KCNK2: variants seen among roughly 807,000 people sequenced by gnomAD.
The protein encoded by KCNK2 is potassium two pore domain channel subfamily K member 2, also known as potassium channel subfamily K member 2.
A neutral mutation model predicts 40.5 loss-of-function variants in KCNK2; 21 were observed. The ratio of observed to expected loss-of-function variants is 0.52; its 90% confidence interval spans 0.37 to 0.75. KCNK2 has a LOEUF of 0.75. KCNK2 is among the 30% of genes least tolerant of loss of function. The pLI is 0.00. For missense variants in KCNK2, 399 were observed against 531.6 expected (o/e 0.75, Z 2.45); for synonymous variants, 191 against 202.2 (o/e 0.94, Z 0.47).
intron 1 of KCNK2, among the ~76,000 whole-genome samples, chr1:215,024,887 C>G (rs771320381): frequency 3.3e-5 from 5 of 151,050 alleles, no homozygotes; most frequent in Non-Finnish European, 7.4e-5. Flanking sequence ...CTACATCTTT[C>G]TTCTTGCTCA....
At chr1:215,132,605 A>G (rs1050623202) in intron 3 of KCNK2, among the ~76,000 whole-genome samples, 4 of 152,242 alleles carry the variant, frequency 2.6e-5, no homozygotes, top group African/African-American at 9.6e-5. Context: ...TATTTGAAAT[A>G]CAAAAATTGA....
rs536391031 is a variant in KCNK2, at chr1:215,172,470, G to A, written c.823+287G>A. 2.3e-4 allele frequency among the ~76,000 whole-genome samples: 35 copies of A among 152,172 alleles called. No homozygotes were observed. The South Asian group carries it at 2.9e-3, about 13-fold the overall frequency. ...AGTCCTTGGCAATTCTTGGCTTGCAGCTGTATCACTCCCATCTCTACCTCC... is the reference window on the plus strand; with the variant it reads ...AGTCCTTGGCAATTCTTGGCTTGCAACTGTATCACTCCCATCTCTACCTCC... On this transcript the variant is annotated intron_variant, in intron 5 of 6. Coordinates refer to ENST00000444842, the MANE Select transcript of KCNK2 (RefSeq NM_001017425.3).
intron 1 of KCNK2, among the ~76,000 whole-genome samples, chr1:215,043,707 A>T (rs1426233212): frequency 1.3e-5 from 2 of 152,206 alleles, no homozygotes; most frequent in Non-Finnish European, 2.9e-5. Flanking sequence ...AAAATTCTGT[A>T]GATGTATGAT....
intron 3 of KCNK2, 84 bp downstream of exon 3, chr1:215,124,834 G>A (rs1661346752): frequency 1.2e-6 from 1 of 816,548 alleles, no homozygotes; most frequent in South Asian, 1.4e-5. Flanking sequence ...GTATAGTTGG[G>A]CAAAATGATC....
intron 6 of KCNK2, among the ~76,000 whole-genome samples, chr1:215,203,656 A>G (rs922272551): frequency 1.3e-5 from 2 of 152,178 alleles, no homozygotes; most frequent in African/African-American, 2.4e-5. Flanking sequence ...TAAACAAACA[A>G]ACAAAAACTA....
intron 1 of KCNK2, among the ~76,000 whole-genome samples, chr1:215,076,892 C>T (rs1019713326): frequency 2.6e-5 from 4 of 152,186 alleles, no homozygotes; most frequent in Non-Finnish European, 4.4e-5. Context: ...TCAACACTAA[C>T]TGGCTTAAAC....
intron 2 of KCNK2, among the ~76,000 whole-genome samples, chr1:215,102,534 G>C (rs563449296): frequency 4.7e-4 from 71 of 152,092 alleles, no homozygotes; most frequent in African/African-American, 1.7e-3. Flanking sequence ...ATTGAAGAAA[G>C]GAAAGTATTT....
At chr1:215,007,121 GTA>G (rs1362388850) in intron 1 of KCNK2, among the ~76,000 whole-genome samples, 5 of 96,690 alleles carry the variant, frequency 5.2e-5, no homozygotes, top group African/African-American at 2.1e-4. Flanking sequence ...GTGTATATAT[GTA>G]TATATATGTG....
chr1:215,024,775 A>G (rs1199533303), intron 1 of KCNK2, among the ~76,000 whole-genome samples: 1 of 152,126 alleles, frequency 6.6e-6, no homozygotes, highest in Non-Finnish European at 1.5e-5. Context: ...CTTATCAAAC[A>G]TGTTTTAGCG....
chr1:215,052,338 C>G (rs1364515349), intron 1 of KCNK2, among the ~76,000 whole-genome samples: 1 of 152,130 alleles, frequency 6.6e-6, no homozygotes, highest in Non-Finnish European at 1.5e-5. Context: ...AAATATCACA[C>G]TGCCTATAGA....
At chr1:215,088,876 A>G (rs975824357) in intron 2 of KCNK2, among the ~76,000 whole-genome samples, 1 of 152,180 alleles carries the variant, frequency 6.6e-6, no homozygotes, top group Non-Finnish European at 1.5e-5. Flanking sequence ...TGCTTCATAA[A>G]AATCTTTTTT....
intron 6 of KCNK2, among the ~76,000 whole-genome samples, chr1:215,205,683 T>A (rs1391896443): frequency 6.6e-6 from 1 of 152,200 alleles, no homozygotes; most frequent in Admixed American, 6.5e-5. Flanking sequence ...TGACTTGTTG[T>A]GGATATTTAG....
intron 6 of KCNK2, among the ~76,000 whole-genome samples, chr1:215,223,241 TAA>T (rs56890763): frequency 0.059 from 6,608 of 112,044 alleles, 463 homozygotes; most frequent in African/African-American, 0.18. Context: ...AGCTCTTTTC[TAA>T]AAAAAAAAAA....
At chr1:215,071,963 T>C (rs2102516065) in intron 1 of KCNK2, among the ~76,000 whole-genome samples, 1 of 152,336 alleles carries the variant, frequency 6.6e-6, no homozygotes, top group East Asian at 1.9e-4. Flanking sequence ...TCTATAATTG[T>C]AATCTTTTGT....
chr1:215,074,188 T>A (rs1658855639), intron 1 of KCNK2, among the ~76,000 whole-genome samples: 1 of 152,200 alleles, frequency 6.6e-6, no homozygotes. Flanking sequence ...AGGGTTTTCT[T>A]CTAGAACGAA....
intron 1 of KCNK2, among the ~76,000 whole-genome samples, chr1:215,050,564 A>G (rs561891840): frequency 1.3e-5 from 2 of 152,264 alleles, no homozygotes; most frequent in African/African-American, 4.8e-5. Context: ...ATAAAAAGAG[A>G]GACAGAACCA....
At chr1:215,137,121 G>A (rs1433441043) in intron 3 of KCNK2, among the ~76,000 whole-genome samples, 1 of 152,108 alleles carries the variant, frequency 6.6e-6, no homozygotes, top group Non-Finnish European at 1.5e-5. Context: ...ATATGTAACA[G>A]TTTTATCATA....
intron 1 of KCNK2, among the ~76,000 whole-genome samples, chr1:215,055,438 C>G (rs1658125852): frequency 6.6e-6 from 1 of 152,208 alleles, no homozygotes; most frequent in Non-Finnish European, 1.5e-5. Context: ...AGCATCCCCA[C>G]AGAACTGCTT....
intron 1 of KCNK2, among the ~76,000 whole-genome samples, chr1:215,028,232 C>A (rs12024284): frequency 6.6e-6 from 1 of 151,854 alleles, no homozygotes; most frequent in South Asian, 2.1e-4. Flanking sequence ...ACTAAAAATA[C>A]AAAAATCAGC....
Sources: allele counts gnomAD v4.1 joint callset (sites outside exome capture counted in the v4.1 genomes callset), GRCh38; gene constraint gnomAD v4.1.1; transcripts MANE v1.5; gene names NCBI Gene and HGNC (gene_info 2026-07-23, HGNC 2026-07-21).